The following TMEM45A variants were observed in gnomAD, a reference collection of about 807,000 sequenced individuals.
TMEM45A encodes the protein DNA polymerase-transactivated protein 4.
Under a neutral mutation model 32.0 loss-of-function variants are expected in TMEM45A, and 25 were observed. That is an observed-to-expected ratio of 0.78 (90% CI 0.57 to 1.09). The LOEUF (loss-of-function observed/expected upper bound fraction) is 1.09. TMEM45A is among the 50% of genes least tolerant of loss of function. The pLI is 0.00. For missense variants in TMEM45A, 302 were observed against 325.0 expected (o/e 0.93, Z 0.54); for synonymous variants, 122 against 114.8 (o/e 1.06, Z -0.40).
At chr3:100,559,734 C>A (rs1170015489) in intron 4 of TMEM45A, among the ~76,000 whole-genome samples, 1 of 151,944 alleles carries the variant, frequency 6.6e-6, no homozygotes, top group Non-Finnish European at 1.5e-5. Context: ...AAGATGACTT[C>A]TGGTCAAGAT....
At chr3:100,532,568 T>G (rs1705665780) in intron 1 of TMEM45A, among the ~76,000 whole-genome samples, 1 of 152,222 alleles carries the variant, frequency 6.6e-6, no homozygotes, top group African/African-American at 2.4e-5. Context: ...CGTTTTATTT[T>G]CCTAGGATAA....
chr3:100,557,957 C>T (rs1278744852), intron 3 of TMEM45A, among the ~76,000 whole-genome samples: 1 of 152,208 alleles, frequency 6.6e-6, no homozygotes, highest in Non-Finnish European at 1.5e-5. Flanking sequence ...GATGCTTTGA[C>T]TTATTCATCT....
Position 100,555,296 on chromosome 3 carries a change from T to C in TMEM45A, c.85T>C (p.Tyr29His), listed in dbSNP as rs1706193719. Residue 29 changes from tyrosine (Y) to histidine (H), a missense_variant, in exon 2 of 6, where the codon TAT becomes CAT. Tyr to His is a moderately conservative substitution (Grantham distance 83). Transcript: ENST00000323523. ...LWWCTKSILK[Y>H]ICKKQKRTCY... The stretch of plus-strand genomic sequence containing the variant: ...GTGGTGTACAAAGAGTATTCTGAAG[T>C]ATATCTGCAAAAAGCAAAAGCGAAC... 1 of 1,613,936 alleles carries C rather than the reference T, an allele frequency of 6.2e-7. No homozygotes were observed. The highest frequency in any genetic ancestry group is 1.3e-5 in the African/African-American group (1 of 74,914).
chr3:100,507,806 G>C (rs1415856872), intron 1 of TMEM45A, among the ~76,000 whole-genome samples: 1 of 152,042 alleles, frequency 6.6e-6, no homozygotes, highest in Non-Finnish European at 1.5e-5. Flanking sequence ...GTATGGACTA[G>C]AGGAGCTTCT....
chr3:100,566,937 C>G (rs1484099690), intron 4 of TMEM45A, among the ~76,000 whole-genome samples: 1 of 151,836 alleles, frequency 6.6e-6, no homozygotes, highest in African/African-American at 2.4e-5. Flanking sequence ...TGTGAGTTGT[C>G]TTTTCATTTT....
chr3:100,531,129 C>A (rs1320175393), intron 1 of TMEM45A, among the ~76,000 whole-genome samples: 1 of 152,106 alleles, frequency 6.6e-6, no homozygotes, highest in Non-Finnish European at 1.5e-5. Context: ...TAAATTCGAT[C>A]ATTTCTTCTT....
chr3:100,572,420 A>G (rs1368116719), intron 5 of TMEM45A: 8 of 152,032 alleles, frequency 5.3e-5, no homozygotes, highest in Admixed American at 2.0e-4. Context: ...GTCTGTTCAT[A>G]TCCTTCGCCC....
intron 1 of TMEM45A, among the ~76,000 whole-genome samples, chr3:100,508,505 C>G (rs547682016): frequency 1.3e-5 from 2 of 152,224 alleles, no homozygotes; most frequent in Admixed American, 6.5e-5. Context: ...ATAGCCAAAT[C>G]AATAGTAAGC....
intron 1 of TMEM45A, among the ~76,000 whole-genome samples, chr3:100,522,950 C>T (rs1705462817): frequency 6.6e-6 from 1 of 152,274 alleles, no homozygotes; most frequent in Non-Finnish European, 1.5e-5. Context: ...GTGCAGTCTG[C>T]CACCACCTGT....
intron 1 of TMEM45A, among the ~76,000 whole-genome samples, chr3:100,507,853 A>T (rs922064601): frequency 6.6e-6 from 1 of 151,922 alleles, no homozygotes; most frequent in African/African-American, 2.4e-5. Flanking sequence ...AAAAATAGAT[A>T]CAGAAGAGAT....
chr3:100,565,018 G>A (rs1706401577), intron 4 of TMEM45A, among the ~76,000 whole-genome samples: 1 of 152,208 alleles, frequency 6.6e-6, no homozygotes. Context: ...TGGAAAGGCT[G>A]TATGGTGAAA....
chr3:100,553,561 C>T lies in TMEM45A; in HGVS notation c.-3-1648C>T, dbSNP rs529267426. ...TTTCAATCCCATATAGAAGTTTTCTCGATCCCATATGATTGCCTAAACCAA... is the reference window on the plus strand; with the variant it reads ...TTTCAATCCCATATAGAAGTTTTCTTGATCCCATATGATTGCCTAAACCAA... On this transcript the variant is annotated intron_variant, in intron 1 of 5. Coordinates refer to ENST00000323523, the MANE Select transcript of TMEM45A (RefSeq NM_018004.3). Among the ~76,000 whole-genome samples the T allele has an allele frequency of 8.9e-4, 135 of 152,254 alleles. 1 individual carries two copies. The highest frequency in any genetic ancestry group is 3.2e-3 in the African/African-American group (131 of 41,556).
rs201270590 is a variant in TMEM45A at position 100,523,641 on chromosome 3, T to TTCC, written c.-4+30727_-4+30729dup. Among the ~76,000 whole-genome samples the TTCC allele has an allele frequency of 6.6e-5, 10 of 151,886 alleles. No homozygotes were observed. The East Asian group carries it at 1.7e-3, about 26-fold the overall frequency. On this transcript the variant is annotated intron_variant, in intron 1 of 5. Coordinates refer to ENST00000323523, the MANE Select transcript of TMEM45A (RefSeq NM_018004.3). ...CTTTTAGCTTGAATCTTTTCTCCTC[T>TTCC]TCCTCCTCCTCCTCCTTCTCTTCTT...
intron 1 of TMEM45A, among the ~76,000 whole-genome samples, chr3:100,509,945 CCA>C (rs1328752896): frequency 6.6e-6 from 1 of 152,204 alleles, no homozygotes; most frequent in African/African-American, 2.4e-5. Context: ...AGATTATATC[CCA>C]CGCATGGCTC....
chr3:100,504,913 G>T (rs918731041), intron 1 of TMEM45A, among the ~76,000 whole-genome samples: 2 of 152,186 alleles, frequency 1.3e-5, no homozygotes, highest in African/African-American at 4.8e-5. Flanking sequence ...GGTGAACTCA[G>T]CCTGAAGATG....
intron 1 of TMEM45A, among the ~76,000 whole-genome samples, chr3:100,546,709 A>G (rs1396281636): frequency 6.6e-6 from 1 of 152,216 alleles, no homozygotes; most frequent in Non-Finnish European, 1.5e-5. Flanking sequence ...GCTCAGTGGT[A>G]GAAAGGAACA....
chr3:100,559,733 T>C (rs1706293075), intron 4 of TMEM45A, among the ~76,000 whole-genome samples: 1 of 152,098 alleles, frequency 6.6e-6, no homozygotes, highest in Admixed American at 6.5e-5. Flanking sequence ...TAAGATGACT[T>C]CTGGTCAAGA....
intron 1 of TMEM45A, among the ~76,000 whole-genome samples, chr3:100,506,243 G>A (rs1019387946): frequency 6.6e-6 from 1 of 152,174 alleles, no homozygotes; most frequent in Non-Finnish European, 1.5e-5. Flanking sequence ...TAGCAGTCTA[G>A]AGCACTGCTC....
chr3:100,554,532 C>G (rs1013070532), intron 1 of TMEM45A, among the ~76,000 whole-genome samples: 1 of 152,114 alleles, frequency 6.6e-6, no homozygotes. Context: ...AGTGTATTAG[C>G]CAGAACTAAA....
Sources: gnomAD v4.1 joint callset for allele counts (sites outside exome capture counted in the v4.1 genomes callset) on GRCh38, gnomAD v4.1.1 for gene constraint, MANE v1.5 for transcripts, NCBI Gene and HGNC (gene_info 2026-07-23, HGNC 2026-07-21) for gene names.